The following GLMN variants were observed in gnomAD, a reference collection of about 807,000 sequenced individuals.
The protein encoded by GLMN is glomulin, FKBP associated protein, also known as glomulin.
A neutral mutation model predicts 87.8 loss-of-function variants in GLMN; 75 were observed. The ratio of observed to expected loss-of-function variants is 0.85; its 90% CI spans 0.71 to 1.04. GLMN has a LOEUF of 1.04. Ranked by LOEUF, GLMN falls within the 50% of genes least tolerant of loss-of-function variation. The pLI, the probability that GLMN is intolerant of heterozygous loss-of-function variation, is 0.00. For missense variants in GLMN, 588 were observed against 658.8 expected (o/e 0.89, Z 1.18); for synonymous variants, 206 against 221.6 (o/e 0.93, Z 0.63).
At chr1:92,259,732 C>CTTTTTTTTTTTTTTTTTTTTTTTTTTT (rs58390058) in intron 16 of GLMN, among the ~76,000 whole-genome samples, 10 of 108,246 alleles carry the variant, frequency 9.2e-5, no homozygotes, top group East Asian at 5.8e-4. Context: ...TTTTTTCTTT[C>CTTTTTTTTTTTTTTTTTTTTTTTTTTT]TTTTTTTTTT....
chr1:92,298,046 C>T lies in GLMN; in HGVS notation c.-30-17G>A, dbSNP rs767274110. On this transcript the variant is annotated splice_polypyrimidine_tract_variant and intron_variant, in intron 1 of 18. Coordinates refer to ENST00000370360, the MANE Select transcript of GLMN (RefSeq NM_053274.3). ...TGCTAAAATCTACAAATACAAAACA[C>T]ACTGTTAACTATCCGTGATATTACA... is the stretch of plus-strand genomic sequence containing the variant. The T allele has an allele frequency of 9.5e-7, 1 of 1,047,328 alleles. No homozygotes were observed. Among genetic ancestry groups the T allele is most frequent in the South Asian group, 1.3e-5 (1 of 79,336 alleles). The allele number at this position is 1,047,328 out of a possible 1,614,324, so 64.9% of individuals were successfully genotyped here.
At chr1:92,290,449 G>A in intron 4 of GLMN, 143 bp from the exon 5 acceptor site, 1 of 639,424 alleles carries the variant, frequency 1.6e-6, no homozygotes, top group Non-Finnish European at 2.8e-6. Flanking sequence ...TACAATTGTT[G>A]AAAAAATATG....
At chr1:92,309,708 A>G in the GLMN span, among the ~76,000 whole-genome samples, 1 of 152,216 alleles carries the variant, frequency 6.6e-6, no homozygotes, top group Non-Finnish European at 1.5e-5. Flanking sequence ...GTTGACTTTA[A>G]TGGGGACCTG....
the GLMN span, among the ~76,000 whole-genome samples, chr1:92,319,193 CAG>C: frequency 6.6e-6 from 1 of 152,156 alleles, no homozygotes; most frequent in East Asian, 1.9e-4. Context: ...TTGATTGGCT[CAG>C]AAGCAAGTTT....
chr1:92,259,724 T>TTTTC (rs1250791118), intron 16 of GLMN, among the ~76,000 whole-genome samples: 2 of 139,632 alleles, frequency 1.4e-5, no homozygotes, highest in African/African-American at 5.6e-5. Flanking sequence ...TTTTTCTTTT[T>TTTTC]TTTCTTTCTT....
chr1:92,274,379 T>G (rs1056798351), intron 7 of GLMN, among the ~76,000 whole-genome samples: 1 of 152,182 alleles, frequency 6.6e-6, no homozygotes, highest in African/African-American at 2.4e-5. Context: ...TATTGTAGTA[T>G]TGGCTTTTTC....
chr1:92,261,553 C>G (rs1444001086), intron 16 of GLMN, among the ~76,000 whole-genome samples: 3 of 152,028 alleles, frequency 2.0e-5, no homozygotes, highest in African/African-American at 4.8e-5. Context: ...ACAACGAGGT[C>G]AGAATTAACT....
intron 3 of GLMN, 31 bp from the exon 4 acceptor site, chr1:92,291,568 A>G (rs1010818072): frequency 6.2e-7 from 1 of 1,609,928 alleles, no homozygotes; most frequent in Non-Finnish European, 8.5e-7. Flanking sequence ...TAAAGCAAAC[A>G]CTGCCATCTA....
At chr1:92,255,959 C>G (rs1048637560) in intron 16 of GLMN, among the ~76,000 whole-genome samples, 39 of 152,088 alleles carry the variant, frequency 2.6e-4, no homozygotes, top group African/African-American at 8.9e-4. Flanking sequence ...CAAAAAAAAT[C>G]AGTGAATCCA....
intron 16 of GLMN, chr1:92,248,307 C>A (rs1426078847): frequency 8.2e-6 from 2 of 245,222 alleles, no homozygotes; most frequent in Non-Finnish European, 1.6e-5. Flanking sequence ...TGAGCCATCT[C>A]CACAATGACT....
chr1:92,290,209 G>T lies in GLMN; in HGVS notation c.383C>A (p.Pro128Gln). ...AAAATTCTCATTACCTGTTTGTAATGGCTGAAGCAAAAGAAGAATACTTTG... is the reference window on the plus strand; with the variant it reads ...AAAATTCTCATTACCTGTTTGTAATTGCTGAAGCAAAAGAAGAATACTTTG... Reference protein sequence around the residue: ...ISQSILLLLQPLQTVIQKLHN... With the variant: ...ISQSILLLLQQLQTVIQKLHN... Residue 128 changes from proline to glutamine, a missense_variant, in exon 5 of 19, where the codon CCA (proline) becomes CAA (glutamine). Transcript: ENST00000370360. 1 of 1,583,560 alleles carries T rather than the reference G, an allele frequency of 6.3e-7. No homozygotes were observed. Among genetic ancestry groups the T allele is most frequent in the Non-Finnish European group, 8.7e-7 (1 of 1,152,628 alleles).
the GLMN span, chr1:92,324,525 A>G: frequency 7.9e-6 from 5 of 636,496 alleles, no homozygotes; most frequent in African/African-American, 1.8e-5. Flanking sequence ...TTACAGTGCC[A>G]TCTCCACTGT....
At chr1:92,299,559 G>C (rs900004417), upstream of GLMN, among the ~76,000 whole-genome samples, 1 of 152,164 alleles carries the variant, frequency 6.6e-6, no homozygotes, top group Non-Finnish European at 1.5e-5. Flanking sequence ...TTCCCCCAGA[G>C]AGGACGTTTG....
chr1:92,300,339 A>G (rs1650734483), upstream of GLMN: 3 of 900,718 alleles, frequency 3.3e-6, no homozygotes, highest in East Asian at 7.3e-5. Flanking sequence ...TTTTTTAGAG[A>G]AAATTATCAT....
At chr1:92,292,774 T>A in intron 3 of GLMN, among the ~76,000 whole-genome samples, 1 of 141,574 alleles carries the variant, frequency 7.1e-6, no homozygotes. Context: ...ATGCCTGTAA[T>A]CCCAACACTT....
intron 13 of GLMN, 128 bp downstream of exon 13, chr1:92,266,291 A>G: frequency 2.8e-6 from 2 of 702,944 alleles, no homozygotes; most frequent in South Asian, 3.0e-5. Context: ...AATTTATAAT[A>G]TGGGTTCCAA....
At chr1:92,264,728 A>T in intron 13 of GLMN, 90 bp from the exon 14 acceptor site, 2 of 767,002 alleles carry the variant, frequency 2.6e-6, no homozygotes, top group Non-Finnish European at 4.7e-6. Flanking sequence ...CAAAGAGGCC[A>T]TGTGTTACTT....
At chr1:92,299,729 CCCTT>C (rs1650664470), upstream of GLMN, among the ~76,000 whole-genome samples, 1 of 152,166 alleles carries the variant, frequency 6.6e-6, no homozygotes, top group Admixed American at 6.5e-5. Flanking sequence ...AAATTGCTCT[CCCTT>C]CCTATTTCAT....
the GLMN span, among the ~76,000 whole-genome samples, chr1:92,328,771 A>G: frequency 2.0e-5 from 3 of 152,158 alleles, no homozygotes; most frequent in Admixed American, 2.0e-4. Context: ...TCATTTGGGT[A>G]GACTGTGAGA....
Sources: gnomAD v4.1 joint callset for allele counts (sites outside exome capture counted in the v4.1 genomes callset) on GRCh38, gnomAD v4.1.1 for gene constraint, MANE v1.5 for transcripts, NCBI Gene and HGNC (gene_info 2026-07-23, HGNC 2026-07-21) for gene names.